MYRIP: variants seen among roughly 807,000 people sequenced by gnomAD.
MYRIP encodes rab effector MyRIP.
In MYRIP, 49 loss-of-function variants were observed where a neutral mutation model predicts 98.0. That is an observed-to-expected ratio of 0.50 (90% CI 0.40 to 0.63). The LOEUF is 0.63. MYRIP is among the 30% of genes least tolerant of loss of function. The pLI is 0.00. For missense variants in MYRIP, 1,004 were observed against 1,058.2 expected (o/e 0.95, Z 0.71); for synonymous variants, 404 against 409.5 (o/e 0.99, Z 0.16).
chr3:40,092,570 C>G (rs979734795), intron 3 of MYRIP, among the ~76,000 whole-genome samples: 1 of 152,134 alleles, frequency 6.6e-6, no homozygotes, highest in South Asian at 2.1e-4. Context: ...CACCCAGAAC[C>G]CTGTGAAGGG....
rs111521803 is a variant in MYRIP, at chr3:40,186,147, T to C, written c.1028-3679T>C. Among the ~76,000 whole-genome samples, 4 of 152,204 alleles carry C rather than the reference T, an allele frequency of 2.6e-5. 1 individual carries two copies. Among genetic ancestry groups the C allele is most frequent in the African/African-American group, 9.6e-5 (4 of 41,522 alleles). On this transcript the variant is annotated intron_variant, in intron 9 of 16. Coordinates refer to ENST00000302541, the MANE Select transcript of MYRIP (RefSeq NM_015460.4). ...TCTCAAGGAAGGAAGGCCAAGCATATGCAATTGAGGAGTGATGTATAAGTC... is the reference window on the plus strand; with the variant it reads ...TCTCAAGGAAGGAAGGCCAAGCATACGCAATTGAGGAGTGATGTATAAGTC...
At chr3:39,967,059 T>C (rs994897392) in intron 2 of MYRIP, among the ~76,000 whole-genome samples, 9 of 152,242 alleles carry the variant, frequency 5.9e-5, no homozygotes, top group Non-Finnish European at 8.8e-5. Context: ...ACCATAGTTA[T>C]CTGGCAGGGT....
At chr3:39,861,311 T>C (rs1942463900) in intron 1 of MYRIP, among the ~76,000 whole-genome samples, 1 of 151,880 alleles carries the variant, frequency 6.6e-6, no homozygotes, top group Non-Finnish European at 1.5e-5. Context: ...CCCAAGGACA[T>C]CAAAGAGGAT....
chr3:39,998,762 A>T (rs62261761), intron 2 of MYRIP, among the ~76,000 whole-genome samples: 11 of 152,198 alleles, frequency 7.2e-5, no homozygotes, highest in Admixed American at 7.2e-4. Flanking sequence ...GCATCATGCT[A>T]CCTGACTTCA....
At chr3:39,951,087 A>G (rs1945002467) in intron 2 of MYRIP, among the ~76,000 whole-genome samples, 1 of 152,208 alleles carries the variant, frequency 6.6e-6, no homozygotes, top group African/African-American at 2.4e-5. Context: ...AGACAGAACA[A>G]CAAGAAGTTT....
rs550284135 is a variant in MYRIP at position 39,906,661 on chromosome 3, G to A, written c.110+5735G>A. Among the ~76,000 whole-genome samples, 63 of 152,050 alleles carry A rather than the reference G, an allele frequency of 4.1e-4. No individual in the cohort carries two copies. In the South Asian group the frequency reaches 9.2e-3, roughly 22 times the overall value. On this transcript the variant is annotated intron_variant, in intron 2 of 16. Coordinates refer to ENST00000302541, the MANE Select transcript of MYRIP (RefSeq NM_015460.4). Reference sequence around the variant, plus strand: ...TTTCAAATAGTAGAAAAAAATAACCGGGCACCTATGCCACATTTAAGTCCA... The same window carrying A: ...TTTCAAATAGTAGAAAAAAATAACCAGGCACCTATGCCACATTTAAGTCCA...
chr3:40,155,374 C>G (rs1359970510), intron 4 of MYRIP, among the ~76,000 whole-genome samples: 5 of 150,960 alleles, frequency 3.3e-5, no homozygotes, highest in Non-Finnish European at 7.4e-5. Context: ...GCCACATTTT[C>G]TTAATCCAGT....
chr3:40,146,676 C>G (rs1480294095), intron 3 of MYRIP, among the ~76,000 whole-genome samples: 1 of 152,172 alleles, frequency 6.6e-6, no homozygotes, highest in African/African-American at 2.4e-5. Context: ...CTCTCGGTCC[C>G]TGCCTTCTCT....
chr3:39,940,848 G>A (rs1331773061), intron 2 of MYRIP, among the ~76,000 whole-genome samples: 1 of 152,124 alleles, frequency 6.6e-6, no homozygotes, highest in Non-Finnish European at 1.5e-5. Flanking sequence ...AAAGGACATA[G>A]AAGTTTAAAG....
intron 2 of MYRIP, among the ~76,000 whole-genome samples, chr3:39,976,940 A>G: frequency 6.6e-6 from 1 of 152,168 alleles, no homozygotes; most frequent in East Asian, 1.9e-4. Context: ...AGATATACCT[A>G]ATGTTAAATG....
chr3:40,170,215 C>T lies in MYRIP; in HGVS notation c.873+122C>T, dbSNP rs532273876. 3.7e-5 allele frequency: 48 copies of T among 1,287,726 alleles called. No individual in the cohort carries two copies. The African/African-American group carries it at 6.0e-4, about 16-fold the overall frequency. The allele number at this position is 1,287,726 out of a possible 1,614,324, so 79.8% of individuals were successfully genotyped here. ...GTAAAAATTTCAGAAGGATGGGGAG[C>T]GAAATTGAAAGAGAAAGTGAGTGTG... On this transcript the variant is annotated intron_variant, in intron 8 of 16. Transcript: ENST00000302541.
intron 2 of MYRIP, among the ~76,000 whole-genome samples, chr3:39,940,153 A>G (rs994250265): frequency 6.6e-6 from 1 of 152,124 alleles, no homozygotes; most frequent in African/African-American, 2.4e-5. Context: ...TCATACATAC[A>G]TAAATCTGCA....
Position 40,258,622 on chromosome 3 carries a change from C to G in MYRIP, c.*456C>G, listed in dbSNP as rs1224714211. The G allele has an allele frequency of 6.0e-6, 1 of 165,398 alleles. No individual in the cohort carries two copies. Among genetic ancestry groups the G allele is most frequent in the Admixed American group, 5.7e-5 (1 of 17,466 alleles). The allele number at this position is 165,398 out of a possible 1,614,324, so 10.2% of individuals were successfully genotyped here. On this transcript the variant is annotated 3_prime_UTR_variant, in exon 17 of 17. Coordinates refer to ENST00000302541, the MANE Select transcript of MYRIP (RefSeq NM_015460.4). ...ATACATCATTAATGCTTATTAATCT[C>G]TCACAAGCATCTTTGTCTTGCAAAT...
chr3:40,033,144 C>G (rs921099057), intron 2 of MYRIP, among the ~76,000 whole-genome samples: 4 of 148,572 alleles, frequency 2.7e-5, no homozygotes, highest in African/African-American at 9.8e-5. Flanking sequence ...GAAGCATTCC[C>G]TCTGAAAACT....
At chr3:39,997,662 G>A (rs1183266417) in intron 2 of MYRIP, among the ~76,000 whole-genome samples, 2 of 152,218 alleles carry the variant, frequency 1.3e-5, no homozygotes, top group Admixed American at 1.3e-4. Flanking sequence ...GAAAAAGAGG[G>A]AATCCTCCCT....
At chr3:40,026,485 C>T (rs1947132362) in intron 2 of MYRIP, among the ~76,000 whole-genome samples, 1 of 152,114 alleles carries the variant, frequency 6.6e-6, no homozygotes, top group African/African-American at 2.4e-5. Flanking sequence ...CATACATCCT[C>T]AGCTTACAAA....
chr3:39,998,377 A>G (rs1405334149), intron 2 of MYRIP, among the ~76,000 whole-genome samples: 1 of 152,208 alleles, frequency 6.6e-6, no homozygotes, highest in Non-Finnish European at 1.5e-5. Context: ...AAGCATTCTT[A>G]TACACCAATA....
At chr3:40,045,647 G>A (rs1192355617) in intron 3 of MYRIP, among the ~76,000 whole-genome samples, 2 of 152,200 alleles carry the variant, frequency 1.3e-5, no homozygotes, top group Non-Finnish European at 2.9e-5. Flanking sequence ...GTTGGATGTT[G>A]GAAGAAATAA....
chr3:39,884,649 A>T (rs1943240592), intron 1 of MYRIP, among the ~76,000 whole-genome samples: 1 of 152,100 alleles, frequency 6.6e-6, no homozygotes, highest in Non-Finnish European at 1.5e-5. Context: ...CCAAATGAAA[A>T]CATACCATAC....
Sources: gnomAD v4.1 joint callset for allele counts (sites outside exome capture counted in the v4.1 genomes callset) on GRCh38, gnomAD v4.1.1 for gene constraint, MANE v1.5 for transcripts, NCBI Gene and HGNC (gene_info 2026-07-23, HGNC 2026-07-21) for gene names.